The following IL17RD variants were observed in gnomAD, a reference collection of about 807,000 sequenced individuals.
IL17RD encodes interleukin-17 receptor D.
A neutral mutation model predicts 80.5 loss-of-function variants in IL17RD; 52 were observed. The ratio of observed to expected loss-of-function variants is 0.65; its 90% confidence interval spans 0.52 to 0.81. The LOEUF is 0.81. Ranked by LOEUF, IL17RD falls within the 40% of genes least tolerant of loss-of-function variation. The pLI is 0.00. For missense variants in IL17RD, 1,024 were observed against 955.1 expected, an observed-to-expected ratio of 1.07 and a Z score of -0.95; for synonymous variants, 416 against 391.8, an observed-to-expected ratio of 1.06 and a Z score of -0.73.
chr3:57,104,407 C>G lies in IL17RD; in HGVS notation c.748G>C (p.Glu250Gln), dbSNP rs753349244. 1.2e-6 allele frequency: 2 copies of G among 1,602,604 alleles called. No individual in the cohort carries two copies. The highest frequency in any genetic ancestry group is 2.2e-5 in the South Asian group (2 of 89,704). ...CAGCTGGTCGTCTCTGTAGTTTGCT[C>G]CTGCAACAGACCAAAGAACACTTTA... The part of the protein sequence containing the change: ...GPFKRKTCKQ[E>Q]QTTETTSCLL... The change falls in exon 8 of 13, where the codon GAG becomes CAG. Residue 250 changes from glutamate (E) to glutamine (Q), a missense_variant and splice_region_variant. Physicochemically the swap from Glu to Gln is conservative, Grantham distance 29. Coordinates refer to ENST00000296318, the MANE Select transcript of IL17RD (RefSeq NM_017563.5).
In IL17RD at chr3:57,098,271, C is replaced by T. The variant is rs751884613; in HGVS notation, c.1432G>A (p.Val478Ile). Residue 478 changes from valine to isoleucine, a missense_variant, in exon 12 of 13, where the codon GTC becomes ATC. Transcript: ENST00000296318. ...SSAALSKFIA[V>I]YFDYSCEGDV... ...CCCTCGCAGGAATAATCAAAGTAGA[C>T]GGCGATAAACTTGCTGAGCGCCGCG... The T allele has an allele frequency of 1.1e-5, 18 of 1,613,810 alleles. No individual in the cohort carries two copies. Among genetic ancestry groups the T allele is most frequent in the Admixed American group, 1.7e-5 (1 of 59,998 alleles).
chr3:57,165,303 A>G lies in IL17RD; in HGVS notation c.-17T>C. 7.1e-7 allele frequency: 1 copy of G among 1,414,590 alleles called. No homozygotes were observed. Among genetic ancestry groups the G allele is most frequent in the Non-Finnish European group, 9.3e-7 (1 of 1,078,764 alleles). 87.6% of individuals were successfully genotyped at this position (1,414,590 alleles called of 1,614,324 possible). On this transcript the variant is annotated 5_prime_UTR_variant, in exon 1 of 13. Transcript: ENST00000296318. Reference sequence around the variant, plus strand: ...CGGGGCCATGGCCGTGCGCTCGCCCAGCCAGGCCGTTCTCTGCGCCCCGGC... The same window carrying G: ...CGGGGCCATGGCCGTGCGCTCGCCCGGCCAGGCCGTTCTCTGCGCCCCGGC...
intron 3 of IL17RD, among the ~76,000 whole-genome samples, chr3:57,112,450 T>C (rs965861426): frequency 6.6e-6 from 1 of 152,036 alleles, no homozygotes; most frequent in East Asian, 1.9e-4. Context: ...TAACAGAAAC[T>C]CTCCAGCCAC....
chr3:57,123,006 T>C (rs1239577754), intron 1 of IL17RD, among the ~76,000 whole-genome samples: 3 of 152,128 alleles, frequency 2.0e-5, no homozygotes, highest in Admixed American at 6.5e-5. Flanking sequence ...CAGGTACTTA[T>C]TGGGCAATGG....
intron 1 of IL17RD, chr3:57,150,637 T>A (rs1708041121): frequency 3.3e-5 from 5 of 152,224 alleles, no homozygotes. Flanking sequence ...CCTCACCAGA[T>A]TTCCTCTGGA....
At chr3:57,147,661 G>A (rs1195618992) in intron 1 of IL17RD, among the ~76,000 whole-genome samples, 1 of 152,166 alleles carries the variant, frequency 6.6e-6, no homozygotes, top group Non-Finnish European at 1.5e-5. Context: ...CAAATGTGGG[G>A]ACAGGACTGG....
intron 2 of IL17RD, among the ~76,000 whole-genome samples, chr3:57,118,600 T>C (rs913280470): frequency 6.6e-6 from 1 of 152,150 alleles, no homozygotes; most frequent in Non-Finnish European, 1.5e-5. Context: ...TACCTTCTTA[T>C]GAATGAAAGG....
At chr3:57,120,199 G>C (rs148512320) in intron 2 of IL17RD, 57 bp downstream of exon 2, 7 of 1,335,272 alleles carry the variant, frequency 5.2e-6, no homozygotes, top group Middle Eastern at 1.8e-4. Context: ...GCATGGCTAT[G>C]TAATCTCTAG....
chr3:57,098,712 C>T (rs371472932), intron 11 of IL17RD, among the ~76,000 whole-genome samples, 174 bp from the exon 12 acceptor site: 1 of 152,208 alleles, frequency 6.6e-6, no homozygotes, highest in Non-Finnish European at 1.5e-5. Context: ...GCTAAAGTTC[C>T]GTGGGTGATG....
chr3:57,161,932 A>G (rs1032701477), intron 1 of IL17RD, among the ~76,000 whole-genome samples: 2 of 152,194 alleles, frequency 1.3e-5, no homozygotes, highest in Non-Finnish European at 2.9e-5. Context: ...CAAGGACCCT[A>G]AGAGAATTTT....
intron 5 of IL17RD, among the ~76,000 whole-genome samples, chr3:57,106,789 C>T (rs1706974793): frequency 6.6e-6 from 1 of 152,096 alleles, no homozygotes; most frequent in South Asian, 2.1e-4. Context: ...GCTTGCTAAC[C>T]CAGGGAGAGT....
chr3:57,144,423 T>C (rs1221664166), intron 1 of IL17RD, among the ~76,000 whole-genome samples: 2 of 152,230 alleles, frequency 1.3e-5, no homozygotes, highest in Non-Finnish European at 2.9e-5. Context: ...CAGGCATTCT[T>C]GGTTCCTCTC....
At chr3:57,100,536 C>T (rs190635922) in intron 11 of IL17RD, among the ~76,000 whole-genome samples, 2 of 152,312 alleles carry the variant, frequency 1.3e-5, no homozygotes, top group Admixed American at 6.5e-5. Context: ...CATTTCAGTG[C>T]TTGACAAAAT....
At chr3:57,099,284 A>T (rs1706772617) in intron 11 of IL17RD, among the ~76,000 whole-genome samples, 1 of 152,196 alleles carries the variant, frequency 6.6e-6, no homozygotes, top group African/African-American at 2.4e-5. Flanking sequence ...CAAGGCTGGT[A>T]ATTGACAAAG....
intron 1 of IL17RD, among the ~76,000 whole-genome samples, chr3:57,154,261 T>C (rs2060251610): frequency 1.0e-5 from 1 of 99,640 alleles, no homozygotes. Flanking sequence ...AAAAAAAAAT[T>C]ATATATATAT....
intron 1 of IL17RD, among the ~76,000 whole-genome samples, chr3:57,159,378 G>A (rs186811582): frequency 1.1e-4 from 17 of 152,312 alleles, no homozygotes; most frequent in Admixed American, 1.1e-3. Flanking sequence ...CAGAGGGGAA[G>A]TGGCCTGTGG....
At position 57,106,161 on chromosome 3, in the gene IL17RD, A is replaced by T; in HGVS notation, c.551-7T>A. On this transcript the variant is annotated splice_region_variant and splice_polypyrimidine_tract_variant and intron_variant, in intron 5 of 12. Transcript: ENST00000296318. ...TGTAACAACAGGTCACAGGCTATTA[A>T]GAGAATAAAGATACATGTTTTTAGT... 6.2e-7 allele frequency: 1 copy of T among 1,605,674 alleles called. No individual in the cohort carries two copies. The highest frequency in any genetic ancestry group is 8.5e-7 in the Non-Finnish European group (1 of 1,173,994).
rs1443987116 is a variant in IL17RD, at chr3:57,127,186, A to ATG, written c.127-6874_127-6873insCA. Among the ~76,000 whole-genome samples the ATG allele has an allele frequency of 3.1e-5, 4 of 127,270 alleles. 1 individual carries two copies. The highest frequency in any genetic ancestry group is 1.4e-4 in the African/African-American group (4 of 29,356). 83.5% of individuals were successfully genotyped at this position (127,270 alleles called of 152,430 possible). The stretch of plus-strand genomic sequence containing the variant: ...ACTTAAAACTAAGGCCAACTCATAT[A>ATG]TATATATATATAAATATATATAAAA... On this transcript the variant is annotated intron_variant, in intron 1 of 12. Transcript: ENST00000296318.
At chr3:57,151,167 T>C (rs1387386934) in intron 1 of IL17RD, among the ~76,000 whole-genome samples, 1 of 152,214 alleles carries the variant, frequency 6.6e-6, no homozygotes, top group Non-Finnish European at 1.5e-5. Flanking sequence ...ATTGAAGCGA[T>C]TTGAAATGAA....
Sources: allele counts gnomAD v4.1 joint callset (sites outside exome capture counted in the v4.1 genomes callset), GRCh38; gene constraint gnomAD v4.1.1; transcripts MANE v1.5; gene names NCBI Gene and HGNC (gene_info 2026-07-23, HGNC 2026-07-21).